The following KIAA0319 variants were observed in gnomAD, a reference collection of about 807,000 sequenced individuals.
KIAA0319 encodes dyslexia-associated protein KIAA0319.
KIAA0319 carries 83 observed loss-of-function variants against 108.4 expected under a neutral mutation model. The observed-to-expected ratio is 0.77, with a 90% CI of 0.64 to 0.92. The LOEUF is 0.92. KIAA0319 is among the 40% of genes least tolerant of loss of function. The pLI, the probability that KIAA0319 is intolerant of heterozygous loss-of-function variation, is 0.00. For missense variants in KIAA0319, 1,195 were observed against 1,322.4 expected (o/e 0.90, Z 1.49); for synonymous variants, 484 against 510.4 (o/e 0.95, Z 0.70).
chr6:24,564,149 A>G (rs1763515400), intron 15 of KIAA0319, 53 bp downstream of exon 15: 3 of 1,610,564 alleles, frequency 1.9e-6, no homozygotes. Context: ...TAAAGACCCC[A>G]AAGGCTGACC....
intron 20 of KIAA0319, among the ~76,000 whole-genome samples, chr6:24,549,875 G>A (rs1480700252): frequency 6.6e-6 from 1 of 152,116 alleles, no homozygotes; most frequent in East Asian, 1.9e-4. Context: ...CTGGAGTGGG[G>A]GGCGGTGTGT....
chr6:24,641,064 C>T (rs1038940791), intron 1 of KIAA0319, among the ~76,000 whole-genome samples: 6 of 152,202 alleles, frequency 3.9e-5, no homozygotes, highest in South Asian at 2.1e-4. Flanking sequence ...AACAATAACA[C>T]CCCATTCCCA....
At chr6:24,575,786 C>T (rs1765401182) in intron 10 of KIAA0319, among the ~76,000 whole-genome samples, 1 of 150,916 alleles carries the variant, frequency 6.6e-6, no homozygotes, top group African/African-American at 2.4e-5. Flanking sequence ...AACATAACTT[C>T]AAAAACACCA....
Position 24,578,225 on chromosome 6 carries a change from C to G in KIAA0319, c.1390G>C (p.Glu464Gln). 9 of 1,601,338 alleles carry G rather than the reference C, an allele frequency of 5.6e-6. No individual in the cohort carries two copies. The African/African-American group carries it at 9.4e-5, about 17-fold the overall frequency. ...TCTTCCCAATGATAACTCACTATTT[C>G]AGTATCATCTGTACTTTCTACAAGA... ...IDGSQSTDDT[E>Q]IVSYHWEEIN... The change falls in exon 9 of 21, where the codon GAA becomes CAA. Residue 464 changes from glutamate (E) to glutamine (Q), a missense_variant. By Grantham distance (29) the Glu-to-Gln change is conservative. Coordinates refer to ENST00000378214, the MANE Select transcript of KIAA0319 (RefSeq NM_014809.4).
In KIAA0319 at chr6:24,596,374, G is replaced by A. The variant is rs1273719408; in HGVS notation, c.300C>T (p.Leu100=). Residue 100 remains leucine, a synonymous_variant, in exon 3 of 21, where the codon CTC becomes CTT. Coordinates refer to ENST00000378214, the MANE Select transcript of KIAA0319 (RefSeq NM_014809.4). ...PKKMGPIRSY[L]TFVLRPVQRP... ...TCTGAACAGGCCGGAGCACAAAAGT[G>A]AGATAAGACCTGATGGGGCCCATCT... 1.9e-6 allele frequency: 3 copies of A among 1,614,114 alleles called. No individual in the cohort carries two copies. The highest frequency in any genetic ancestry group is 2.2e-5 in the East Asian group (1 of 44,892).
intron 16 of KIAA0319, 100 bp from the exon 17 acceptor site, chr6:24,559,255 C>T (rs929285808): frequency 4.5e-6 from 6 of 1,334,912 alleles, no homozygotes; most frequent in African/African-American, 1.5e-5. Context: ...GGGAGGTAGA[C>T]GGCTACAGCT....
chr6:24,630,667 AATTGTGTGTATATGTGTAT>A (rs1775432186), intron 1 of KIAA0319, among the ~76,000 whole-genome samples: 1 of 143,064 alleles, frequency 7.0e-6, no homozygotes, highest in African/African-American at 2.7e-5. Flanking sequence ...CCATTTATTC[AATTGTGTGTATATGTGTAT>A]ATATATATAT....
chr6:24,618,809 A>G (rs917608212), intron 1 of KIAA0319, among the ~76,000 whole-genome samples: 2 of 152,178 alleles, frequency 1.3e-5, no homozygotes, highest in East Asian at 3.8e-4. Context: ...ACTAAAAGAA[A>G]AAAAAAGATC....
chr6:24,554,627 C>T lies in KIAA0319; in HGVS notation c.2862G>A (p.Trp954Ter). The change falls in exon 19 of 21, where the codon TGG becomes TGA. Residue 954 changes from tryptophan (W) to a stop codon, truncating the protein, a stop_gained. Coordinates refer to ENST00000378214, the MANE Select transcript of KIAA0319 (RefSeq NM_014809.4). LOFTEE classifies it high-confidence loss of function. ...YIWDGESNCE[W>*]SIFYVTVLAF... ...CCAACACTGTCACATAGAATATACT[C>T]CACTCTGAAACACAAGAAAACCAAA... is the stretch of plus-strand genomic sequence containing the variant. The T allele has an allele frequency of 6.2e-7, 1 of 1,611,248 alleles. No homozygotes were observed. Among genetic ancestry groups the T allele is most frequent in the Non-Finnish European group, 8.5e-7 (1 of 1,178,162 alleles).
chr6:24,583,576 T>A (rs6901322), intron 5 of KIAA0319, 28 bp downstream of exon 5: 481,253 of 1,473,792 alleles, frequency 0.33, 88,511 homozygotes, highest in East Asian at 0.74. Flanking sequence ...CAGTTCCTAG[T>A]GGTCAGGGAG....
At chr6:24,559,243 T>G (rs561362027) in intron 16 of KIAA0319, 88 bp from the exon 17 acceptor site, 377 of 1,451,780 alleles carry the variant, frequency 2.6e-4, no homozygotes, top group Non-Finnish European at 3.2e-4. Flanking sequence ...CCTGTGAAAC[T>G]GGGGAGGTAG....
In KIAA0319 at chr6:24,551,491, ACTTT is replaced by A; in HGVS notation, c.2979_2982del (p.Lys994ThrfsTer15). Reference sequence around the variant, plus strand: ...TCATCCATGTTATCCAGGATGGTGTACTTTGTTTTTTTCCTGATTTTAGTCCTTT... The same window carrying A: ...TCATCCATGTTATCCAGGATGGTGTAGTTTTTTTCCTGATTTTAGTCCTTT... On this transcript the variant is annotated frameshift_variant, in exon 20 of 21. Coordinates refer to ENST00000378214, the MANE Select transcript of KIAA0319 (RefSeq NM_014809.4). LOFTEE classifies it high-confidence loss of function. 1 of 1,612,478 alleles carries A rather than the reference ACTTT, an allele frequency of 6.2e-7. No individual in the cohort carries two copies. Among genetic ancestry groups the A allele is most frequent in the South Asian group, 1.1e-5 (1 of 91,040 alleles).
At chr6:24,563,988 A>G (rs1763480281) in intron 15 of KIAA0319, among the ~76,000 whole-genome samples, 1 of 152,122 alleles carries the variant, frequency 6.6e-6, no homozygotes, top group South Asian at 2.1e-4. Flanking sequence ...AAGAAAATCT[A>G]GTTGCCAGAT....
At chr6:24,603,089 G>C (rs1481945182) in intron 1 of KIAA0319, among the ~76,000 whole-genome samples, 1 of 152,168 alleles carries the variant, frequency 6.6e-6, no homozygotes. Flanking sequence ...TGGCTTAATT[G>C]ACAGCATTCT....
At chr6:24,598,419 G>A (rs970244026) in intron 2 of KIAA0319, 6 of 593,988 alleles carry the variant, frequency 1.0e-5, no homozygotes, top group African/African-American at 9.2e-5. Context: ...TGCAGCAGCA[G>A]AAGACAGTTT....
At chr6:24,635,974 G>A (rs1328197907) in intron 1 of KIAA0319, among the ~76,000 whole-genome samples, 1 of 152,162 alleles carries the variant, frequency 6.6e-6, no homozygotes, top group Non-Finnish European at 1.5e-5. Context: ...AGCCTAGAAC[G>A]ACTAATGAAT....
chr6:24,603,334 T>C (rs1770920851), intron 1 of KIAA0319, among the ~76,000 whole-genome samples: 1 of 152,194 alleles, frequency 6.6e-6, no homozygotes. Flanking sequence ...CAGTCTGGAC[T>C]TGGATCTGTA....
intron 1 of KIAA0319, among the ~76,000 whole-genome samples, chr6:24,610,915 T>C (rs4712833): frequency 0.14 from 20,683 of 152,156 alleles, 1,728 homozygotes; most frequent in Non-Finnish European, 0.18. Context: ...TATAAAGGAA[T>C]GAAGTACTAA....
intron 12 of KIAA0319, 144 bp downstream of exon 12, chr6:24,569,759 A>G: frequency 1.1e-6 from 1 of 922,766 alleles, no homozygotes; most frequent in Non-Finnish European, 1.6e-6. Context: ...TTCAATCAAT[A>G]ACGCCCAGCC....
Sources: allele counts gnomAD v4.1 joint callset (sites outside exome capture counted in the v4.1 genomes callset), GRCh38; gene constraint gnomAD v4.1.1; transcripts MANE v1.5; gene names NCBI Gene and HGNC (gene_info 2026-07-23, HGNC 2026-07-21).